Variants in TENM1 observed in about 807,000 individuals in gnomAD.
TENM1 encodes teneurin transmembrane protein 1, also known as teneurin-1.
Under a neutral mutation model 174.8 loss-of-function variants are expected in TENM1, and 35 were observed. The ratio of observed to expected loss-of-function variants is 0.20; its 90% CI spans 0.15 to 0.27. The LOEUF is 0.27. Among genes scored for constraint, TENM1 ranks in the 10% least tolerant of loss-of-function variants. The pLI is 1.00. For missense variants in TENM1, 1,633 were observed against 2,130.1 expected (o/e 0.77, Z 4.59); for synonymous variants, 781 against 798.7 (o/e 0.98, Z 0.37).
chrX:124,984,005 T>C, the TENM1 span, among the ~76,000 whole-genome samples: 1 of 112,260 alleles, frequency 8.9e-6, no homozygotes, highest in African/African-American at 3.2e-5. Flanking sequence ...ATAACAATGC[T>C]ATTCAATAAT....
At chrX:124,516,183 C>T (rs1422285956) in intron 18 of TENM1, among the ~76,000 whole-genome samples, 1 of 111,889 alleles carries the variant, frequency 8.9e-6, no homozygotes, top group Non-Finnish European at 1.9e-5. Context: ...TTACTTACAC[C>T]ATATACACAA....
chrX:124,800,771 C>T (rs1345142678), intron 3 of TENM1, among the ~76,000 whole-genome samples: 1 of 111,697 alleles, frequency 9.0e-6, no homozygotes, highest in Non-Finnish European at 1.9e-5. Context: ...ACTGCTTTAG[C>T]TGTGTCCCAG....
chrX:125,063,051 C>T, the TENM1 span, among the ~76,000 whole-genome samples: 1 of 112,116 alleles, frequency 8.9e-6, no homozygotes, highest in Non-Finnish European at 1.9e-5. Context: ...TTTTCCTTGT[C>T]CTCTATGACA....
At chrX:125,096,725 G>A in the TENM1 span, among the ~76,000 whole-genome samples, 5 of 110,827 alleles carry the variant, frequency 4.5e-5, no homozygotes, top group African/African-American at 1.6e-4. Context: ...CATCAGATGA[G>A]TGTTGGTCTA....
chrX:124,501,831 T>C (rs1034203369), intron 19 of TENM1, among the ~76,000 whole-genome samples: 1 of 111,318 alleles, frequency 9.0e-6, no homozygotes, highest in African/African-American at 3.3e-5. Context: ...CCAAGAGAGG[T>C]TTTCGTGTCC....
chrX:124,430,295 C>G (rs1173750892), intron 23 of TENM1, among the ~76,000 whole-genome samples: 2 of 111,634 alleles, frequency 1.8e-5, no homozygotes, highest in Non-Finnish European at 3.8e-5. Flanking sequence ...TATGTACTCT[C>G]TCCCTAGAAA....
At chrX:124,401,213 G>T (rs1569529268) in intron 27 of TENM1, among the ~76,000 whole-genome samples, 1 of 111,628 alleles carries the variant, frequency 9.0e-6, no homozygotes, top group Non-Finnish European at 1.9e-5. Flanking sequence ...TCTGGGGGAG[G>T]TGTGATCGGC....
At chrX:124,690,620 A>ACATT (rs1257300627) in intron 5 of TENM1, among the ~76,000 whole-genome samples, 1 of 109,645 alleles carries the variant, frequency 9.1e-6, no homozygotes, top group Non-Finnish European at 1.9e-5. Context: ...GTGGGGCCTA[A>ACATT]TGGAAAGTGT....
intron 22 of TENM1, among the ~76,000 whole-genome samples, chrX:124,464,277 C>T (rs994958046): frequency 1.8e-5 from 2 of 111,655 alleles, no homozygotes; most frequent in African/African-American, 3.3e-5. Context: ...ATGAGTCTAT[C>T]TCAAGGTATG....
the TENM1 span, among the ~76,000 whole-genome samples, chrX:124,993,971 C>T: frequency 1.8e-5 from 2 of 110,296 alleles, no homozygotes; most frequent in Non-Finnish European, 3.8e-5. Flanking sequence ...ACAGTAACTT[C>T]TACTCAAATA....
At chrX:125,029,907 G>C in the TENM1 span, among the ~76,000 whole-genome samples, 2 of 111,752 alleles carry the variant, frequency 1.8e-5, no homozygotes, top group Non-Finnish European at 3.8e-5. Context: ...CTTTGGATAT[G>C]GTAGATATTT....
intron 23 of TENM1, among the ~76,000 whole-genome samples, chrX:124,443,585 T>C (rs1187325742): frequency 5.4e-5 from 6 of 112,017 alleles, no homozygotes; most frequent in African/African-American, 1.9e-4. Context: ...TGGTTAAATA[T>C]AGTTCTGACT....
intron 11 of TENM1, among the ~76,000 whole-genome samples, chrX:124,631,937 C>G (rs1343192128): frequency 3.5e-4 from 27 of 76,287 alleles, no homozygotes; most frequent in African/African-American, 1.4e-3. Context: ...TTTTTTTTGA[C>G]AGTCTTGCTC....
the TENM1 span, among the ~76,000 whole-genome samples, chrX:125,066,915 T>C: frequency 9.0e-6 from 1 of 111,524 alleles, no homozygotes; most frequent in South Asian, 3.8e-4. Context: ...ATTAGTTCAT[T>C]TTGGTGGAAT....
At position 124,407,413 on chromosome X, in the gene TENM1, A is replaced by G. The variant is rs149665932; in HGVS notation, c.4983-924T>C. On this transcript the variant is annotated intron_variant, in intron 25 of 31. Transcript: ENST00000422452. ...TTTTCTTTTCAAGTTGCAAATTACA[A>G]AATATTTAAGCACTTTTATTTGCCT... is the stretch of plus-strand genomic sequence containing the variant. 3.7e-4 allele frequency among the ~76,000 whole-genome samples: 41 copies of G among 112,146 alleles called. 1 individual carries two copies. The highest frequency in any genetic ancestry group is 1.3e-3 in the African/African-American group (40 of 30,894).
chrX:124,465,686 T>C (rs752829204), intron 22 of TENM1, among the ~76,000 whole-genome samples: 2 of 111,213 alleles, frequency 1.8e-5, no homozygotes, highest in South Asian at 7.6e-4. Flanking sequence ...TTCCTTTTTC[T>C]CCACTTCTTC....
At chrX:125,042,576 A>C in the TENM1 span, among the ~76,000 whole-genome samples, 1 of 111,587 alleles carries the variant, frequency 9.0e-6, no homozygotes, top group African/African-American at 3.3e-5. Context: ...ATGTCAATAC[A>C]GGTAATTTTA....
Position 124,595,752 on chromosome X carries a change from T to C in TENM1, c.2078-30192A>G, listed in dbSNP as rs757730468. Among the ~76,000 whole-genome samples the C allele has an allele frequency of 3.5e-4, 39 of 110,800 alleles. 1 individual carries two copies. Among genetic ancestry groups the C allele is most frequent in the Admixed American group, 2.9e-3 (30 of 10,398 alleles). On this transcript the variant is annotated intron_variant, in intron 11 of 31. Coordinates refer to ENST00000422452, the Ensembl canonical transcript of TENM1. ...AGCTTTTAAAGATGAGTATATAAAA[T>C]AAATCATCTTTATCATGAAAGCACT...
rs763381596 is a variant in TENM1, at chrX:124,512,297, T to C, written c.3301+8220A>G. 9.9e-5 allele frequency among the ~76,000 whole-genome samples: 11 copies of C among 111,394 alleles called. No individual in the cohort carries two copies. In the East Asian group the frequency reaches 2.8e-3, roughly 29 times the overall value. The stretch of plus-strand genomic sequence containing the variant: ...ACAGTAATGATTTTTTTTTTTACAT[T>C]GTTTTGCAAGCAGCAGAGTTGGGAA... On this transcript the variant is annotated intron_variant, in intron 18 of 31. Coordinates refer to ENST00000422452, the Ensembl canonical transcript of TENM1.
Sources: gnomAD v4.1 joint callset for allele counts (sites outside exome capture counted in the v4.1 genomes callset) on GRCh38, gnomAD v4.1.1 for gene constraint, MANE v1.5 for transcripts, NCBI Gene and HGNC (gene_info 2026-07-23, HGNC 2026-07-21) for gene names.